The following MAGI2 variants were observed in gnomAD, a reference collection of about 807,000 sequenced individuals.
The protein encoded by MAGI2 is membrane-associated guanylate kinase, WW and PDZ domain-containing protein 2.
A neutral mutation model predicts 133.3 loss-of-function variants in MAGI2; 35 were observed. That is an observed-to-expected ratio of 0.26 (90% confidence interval 0.20 to 0.35). The LOEUF (loss-of-function observed/expected upper bound fraction) is 0.35, where lower values mean the gene tolerates loss of function less well. Ranked by LOEUF, MAGI2 falls within the 10% of genes least tolerant of loss-of-function variation. MAGI2 has a pLI of 1.00. For synonymous variants in MAGI2, 729 were observed against 710.6 expected, an observed-to-expected ratio of 1.03 and a Z score of -0.41; for missense variants, 1,636 against 1,863.4, an observed-to-expected ratio of 0.88 and a Z score of 2.25.
At chr7:78,172,324 C>T (rs113869868) in intron 14 of MAGI2, among the ~76,000 whole-genome samples, 5 of 152,184 alleles carry the variant, frequency 3.3e-5, no homozygotes, top group South Asian at 2.1e-4. Flanking sequence ...GCCACTATGG[C>T]GAGCAGATTT....
rs77783895 is a variant in MAGI2 at position 79,308,208 on chromosome 7, T to C, written c.301+144812A>G. 1.6e-4 allele frequency among the ~76,000 whole-genome samples: 25 copies of C among 152,288 alleles called. No individual in the cohort carries two copies. In the East Asian group the frequency reaches 4.8e-3, roughly 29 times the overall value. On this transcript the variant is annotated intron_variant, in intron 1 of 21. Coordinates refer to ENST00000354212, the MANE Select transcript of MAGI2 (RefSeq NM_012301.4). ...ATTTTAATAGATAATAGACAAACTGTTATATTTCATGAAGACATTGTCATG... is the reference window on the plus strand; with the variant it reads ...ATTTTAATAGATAATAGACAAACTGCTATATTTCATGAAGACATTGTCATG...
intron 9 of MAGI2, among the ~76,000 whole-genome samples, chr7:78,289,638 C>T (rs1339006613): frequency 6.6e-6 from 1 of 152,028 alleles, no homozygotes; most frequent in Non-Finnish European, 1.5e-5. Flanking sequence ...AACCACAACC[C>T]CAACACACAT....
chr7:78,389,097 A>C (rs998150391), intron 6 of MAGI2, among the ~76,000 whole-genome samples: 3 of 152,228 alleles, frequency 2.0e-5, no homozygotes, highest in Non-Finnish European at 2.9e-5. Flanking sequence ...TCCAGTTGGA[A>C]AATAAATAAA....
intron 15 of MAGI2, among the ~76,000 whole-genome samples, chr7:78,160,937 C>T (rs964941144): frequency 2.0e-5 from 3 of 152,152 alleles, no homozygotes; most frequent in African/African-American, 7.2e-5. Flanking sequence ...GGAAAATATA[C>T]TTCTTAAAAG....
At chr7:79,441,779 C>G (rs115817614) in intron 1 of MAGI2, among the ~76,000 whole-genome samples, 1 of 151,976 alleles carries the variant, frequency 6.6e-6, no homozygotes, top group Non-Finnish European at 1.5e-5. Context: ...CAAAGCAATG[C>G]CAGTACTTGG....
intron 1 of MAGI2, among the ~76,000 whole-genome samples, chr7:79,443,040 G>A (rs10272831): frequency 0.11 from 17,355 of 152,050 alleles, 1,077 homozygotes; most frequent in African/African-American, 0.17. Context: ...GGGAGGCAGA[G>A]GTGGGCAGAT....
Position 78,017,496 on chromosome 7 carries a change from C to A in MAGI2, c.*1819G>T, listed in dbSNP as rs1235878767. 6.6e-6 allele frequency: 1 copy of A among 152,398 alleles called. No homozygotes were observed. Among genetic ancestry groups the A allele is most frequent in the African/African-American group, 2.4e-5 (1 of 41,420 alleles). The allele number at this position is 152,398 out of a possible 1,614,324, so 9.4% of individuals were successfully genotyped here. A position where few individuals can be genotyped will look rare whatever the true frequency, so the allele number is the denominator to read the frequency against. ...TACACTACAGAAGCATTGTCCAAAA[C>A]CAGATTCAATAAATTAATGGCAAAC... On this transcript the variant is annotated 3_prime_UTR_variant, in exon 22 of 22. Coordinates refer to ENST00000354212, the MANE Select transcript of MAGI2 (RefSeq NM_012301.4).
chr7:78,785,598 C>T (rs1014366027), intron 2 of MAGI2, among the ~76,000 whole-genome samples: 34 of 152,064 alleles, frequency 2.2e-4, no homozygotes, highest in Middle Eastern at 3.2e-3. Context: ...AAAACTATGT[C>T]ATTTACTCAC....
At chr7:79,386,875 T>C (rs976681891) in intron 1 of MAGI2, among the ~76,000 whole-genome samples, 1 of 151,956 alleles carries the variant, frequency 6.6e-6, no homozygotes, top group Non-Finnish European at 1.5e-5. Context: ...ACTTCAGCCA[T>C]GTTGAGGACA....
At chr7:79,337,253 T>A (rs544420123) in intron 1 of MAGI2, among the ~76,000 whole-genome samples, 1 of 152,294 alleles carries the variant, frequency 6.6e-6, no homozygotes, top group South Asian at 2.1e-4. Context: ...CAAGCGATCT[T>A]TTTACTTTAA....
chr7:78,809,277 C>A (rs1205833135), intron 2 of MAGI2, among the ~76,000 whole-genome samples: 3 of 152,156 alleles, frequency 2.0e-5, no homozygotes, highest in Non-Finnish European at 4.4e-5. Flanking sequence ...TATAGATGAT[C>A]GGTTTCAAGA....
intron 2 of MAGI2, among the ~76,000 whole-genome samples, chr7:78,897,485 T>C (rs1797300635): frequency 6.6e-6 from 1 of 152,218 alleles, no homozygotes; most frequent in African/African-American, 2.4e-5. Context: ...GAATTTTGAC[T>C]GTGTTAAACA....
intron 2 of MAGI2, among the ~76,000 whole-genome samples, chr7:78,903,852 T>C (rs915802541): frequency 6.6e-6 from 1 of 152,238 alleles, no homozygotes; most frequent in African/African-American, 2.4e-5. Flanking sequence ...TTTAAAGATG[T>C]ATAACTATCC....
intron 1 of MAGI2, among the ~76,000 whole-genome samples, chr7:79,180,400 G>A (rs571164449): frequency 6.6e-6 from 1 of 152,166 alleles, no homozygotes; most frequent in South Asian, 2.1e-4. Flanking sequence ...CCGAAGGCAA[G>A]GAGGAACAGG....
At position 78,875,554 on chromosome 7, in the gene MAGI2, T is replaced by C. The variant is rs116988603; in HGVS notation, c.418+131536A>G. 1.2e-3 allele frequency among the ~76,000 whole-genome samples: 181 copies of C among 152,252 alleles called. 3 individuals are homozygous for C. The East Asian group carries it at 0.034, about 28-fold the overall frequency. On this transcript the variant is annotated intron_variant, in intron 2 of 21. Coordinates refer to ENST00000354212, the MANE Select transcript of MAGI2 (RefSeq NM_012301.4). The stretch of plus-strand genomic sequence containing the variant: ...TACCATGTGTAGACAAATAAATAGT[T>C]TGGCTTTAAGCAAATTAATTACTTA...
rs3028947 is a variant in MAGI2 at position 79,442,451 on chromosome 7, AGTGTGT to A, written c.301+10563_301+10568del. 6.2e-4 allele frequency among the ~76,000 whole-genome samples: 90 copies of A among 145,222 alleles called. No homozygotes were observed. In the East Asian group the frequency reaches 9.6e-3, roughly 15 times the overall value. The stretch of plus-strand genomic sequence containing the variant: ...TGGCACTGAACCTTAGTGTTTGAAG[AGTGTGT>A]GTGTGTGTGTGTGTGTGTGTGTGTG... On this transcript the variant is annotated intron_variant, in intron 1 of 21. Coordinates refer to ENST00000354212, the MANE Select transcript of MAGI2 (RefSeq NM_012301.4).
chr7:78,988,638 A>C (rs148516191), intron 2 of MAGI2, among the ~76,000 whole-genome samples: 57 of 152,240 alleles, frequency 3.7e-4, no homozygotes, highest in Non-Finnish European at 7.2e-4. Context: ...CAATAAACTT[A>C]AGCAAAATTT....
chr7:78,064,108 C>G (rs1157352877), intron 21 of MAGI2, among the ~76,000 whole-genome samples: 2 of 152,156 alleles, frequency 1.3e-5, no homozygotes, highest in East Asian at 3.9e-4. Context: ...AAACAGAAAT[C>G]TATCCCTCCT....
chr7:78,791,926 CAT>C (rs1377825197), intron 2 of MAGI2, among the ~76,000 whole-genome samples: 3 of 152,096 alleles, frequency 2.0e-5, no homozygotes, highest in Non-Finnish European at 4.4e-5. Context: ...TAGAAAATTA[CAT>C]AGTTATAAAA....
Sources: gnomAD v4.1 joint callset for allele counts (sites outside exome capture counted in the v4.1 genomes callset) on GRCh38, gnomAD v4.1.1 for gene constraint, MANE v1.5 for transcripts, NCBI Gene and HGNC (gene_info 2026-07-23, HGNC 2026-07-21) for gene names.